CLYBL: variants seen among roughly 807,000 people sequenced by gnomAD.
The protein encoded by CLYBL is citramalyl-CoA lyase, also known as citramalyl-CoA lyase, mitochondrial.
CLYBL carries 31 observed loss-of-function variants against 38.9 expected under a neutral mutation model. The observed-to-expected ratio is 0.80, with a 90% CI of 0.60 to 1.08. The LOEUF is 1.08. Among genes scored for constraint, CLYBL ranks in the 50% least tolerant of loss-of-function variants. CLYBL has a pLI of 0.00. For missense variants in CLYBL, 434 were observed against 411.6 expected, an observed-to-expected ratio of 1.05 and a Z score of -0.47; for synonymous variants, 171 against 158.6, an observed-to-expected ratio of 1.08 and a Z score of -0.59.
intron 1 of CLYBL, among the ~76,000 whole-genome samples, chr13:99,636,974 G>A (rs1219658322): frequency 1.3e-5 from 2 of 152,150 alleles, no homozygotes; most frequent in African/African-American, 2.4e-5. Context: ...CCCCCAGCCA[G>A]GCTCAAGCAA....
intron 1 of CLYBL, among the ~76,000 whole-genome samples, chr13:99,718,503 C>T (rs2048351126): frequency 6.6e-6 from 1 of 152,044 alleles, no homozygotes; most frequent in East Asian, 1.9e-4. Context: ...ATGCCTTCAG[C>T]TTGAAGTAAC....
chr13:99,745,666 A>G (rs2048835735), intron 1 of CLYBL, among the ~76,000 whole-genome samples: 1 of 152,250 alleles, frequency 6.6e-6, no homozygotes, highest in African/African-American at 2.4e-5. Flanking sequence ...TAAGAAGGAA[A>G]AAACAATCTT....
intron 1 of CLYBL, among the ~76,000 whole-genome samples, chr13:99,648,221 G>A (rs2047204558): frequency 6.6e-6 from 1 of 152,146 alleles, no homozygotes; most frequent in South Asian, 2.1e-4. Context: ...ATCCGTAGTT[G>A]TGGGTGGTCT....
At chr13:99,760,757 A>G (rs1477347831) in intron 1 of CLYBL, among the ~76,000 whole-genome samples, 1 of 151,692 alleles carries the variant, frequency 6.6e-6, no homozygotes, top group Admixed American at 6.6e-5. Context: ...AGAGATATAC[A>G]TAGTTTCAGG....
chr13:99,791,375 C>T lies in CLYBL; in HGVS notation c.249+18365C>T, dbSNP rs113896803. On this transcript the variant is annotated intron_variant, in intron 2 of 8. Coordinates refer to ENST00000339105, the MANE Select transcript of CLYBL (RefSeq NM_206808.5). ...GTGTCTTTTTTAAAAAAAAAACAAA[C>T]AAAAAACAGCGGTGTCATTTTTAAA... Among the ~76,000 whole-genome samples, 10 of 151,446 alleles carry T rather than the reference C, an allele frequency of 6.6e-5. No individual in the cohort carries two copies. In the East Asian group the frequency reaches 1.9e-3, roughly 29 times the overall value.
chr13:99,845,901 G>A (rs887430560), intron 2 of CLYBL, among the ~76,000 whole-genome samples: 8 of 150,942 alleles, frequency 5.3e-5, no homozygotes, highest in Non-Finnish European at 1.2e-4. Context: ...GTTGATTTTT[G>A]AAGAAAATAA....
chr13:99,791,783 A>G (rs2049922211), intron 2 of CLYBL, among the ~76,000 whole-genome samples: 1 of 152,208 alleles, frequency 6.6e-6, no homozygotes, highest in Non-Finnish European at 1.5e-5. Flanking sequence ...AGTGTCTGAG[A>G]GCATCAGTTC....
intron 1 of CLYBL, among the ~76,000 whole-genome samples, chr13:99,629,032 C>T (rs145489415): frequency 1.4e-3 from 206 of 152,360 alleles, no homozygotes; most frequent in African/African-American, 4.5e-3. Flanking sequence ...CCTGCTGCTT[C>T]GTTCGCGGAC....
At chr13:99,796,551 T>C (rs1447676197) in intron 2 of CLYBL, among the ~76,000 whole-genome samples, 2 of 152,160 alleles carry the variant, frequency 1.3e-5, no homozygotes, top group African/African-American at 4.8e-5. Context: ...ATTCTCCCCA[T>C]TGACAGATGA....
At chr13:99,905,305 TACA>T (rs1013088713) in exon 9 of CLYBL, among the ~76,000 whole-genome samples, 5 of 152,232 alleles carry the variant, frequency 3.3e-5, no homozygotes, top group Admixed American at 2.0e-4. Context: ...ACTGTAGAGT[TACA>T]ACAAGAGGGT....
intron 1 of CLYBL, among the ~76,000 whole-genome samples, chr13:99,651,937 G>A (rs201411599): frequency 6.6e-6 from 1 of 151,886 alleles, no homozygotes; most frequent in Non-Finnish European, 1.5e-5. Flanking sequence ...ATCTTGGGGG[G>A]AAAAAAAGAT....
downstream of CLYBL, chr13:99,894,005 G>A (rs2052539220): frequency 6.6e-6 from 1 of 152,256 alleles, no homozygotes; most frequent in African/African-American, 2.4e-5. Flanking sequence ...GTAGGATCAT[G>A]AGACTAAGAC....
At chr13:99,784,901 A>G (rs1004811695) in intron 2 of CLYBL, among the ~76,000 whole-genome samples, 21 of 151,066 alleles carry the variant, frequency 1.4e-4, no homozygotes, top group African/African-American at 4.6e-4. Context: ...TTTTTTTTTG[A>G]TTTTCCGAGA....
At chr13:99,796,162 A>C (rs2761156) in intron 2 of CLYBL, among the ~76,000 whole-genome samples, 57,633 of 152,056 alleles carry the variant, frequency 0.38, 11,206 homozygotes, top group Middle Eastern at 0.45. Flanking sequence ...GGTCAGGGCC[A>C]TCATGGCTCC....
intron 1 of CLYBL, among the ~76,000 whole-genome samples, chr13:99,708,706 C>T (rs1277128557): frequency 6.6e-6 from 1 of 152,136 alleles, no homozygotes; most frequent in Non-Finnish European, 1.5e-5. Context: ...AATTGTGTTG[C>T]CTCCCCACAA....
intron 2 of CLYBL, among the ~76,000 whole-genome samples, chr13:99,851,301 A>C (rs1594221255): frequency 7.4e-6 from 1 of 135,484 alleles, no homozygotes; most frequent in South Asian, 2.5e-4. Flanking sequence ...CGGGAGGCGG[A>C]GGTTGCAGTG....
At chr13:99,800,283 CAG>C (rs914239963) in intron 2 of CLYBL, among the ~76,000 whole-genome samples, 1 of 152,200 alleles carries the variant, frequency 6.6e-6, no homozygotes, top group Non-Finnish European at 1.5e-5. Flanking sequence ...CCAGTCCAAT[CAG>C]AGTGAATATC....
At chr13:99,842,012 TTCACCA>T in intron 2 of CLYBL, among the ~76,000 whole-genome samples, 1 of 151,966 alleles carries the variant, frequency 6.6e-6, no homozygotes, top group Admixed American at 6.6e-5. Context: ...GAGACAGGGT[TTCACCA>T]TGTTGACCAG....
Position 99,671,030 on chromosome 13 carries a change from C to A in CLYBL, c.62+64273C>A, listed in dbSNP as rs544878701. On this transcript the variant is annotated intron_variant, in intron 1 of 8. Transcript: ENST00000339105. The stretch of plus-strand genomic sequence containing the variant: ...ATCTTATGCCACTCTCTCCCTTGTC[C>A]GCTGCCCTTATGACACACCGGTCTC... Among the ~76,000 whole-genome samples, 21 of 152,300 alleles carry A rather than the reference C, an allele frequency of 1.4e-4. No individual in the cohort carries two copies. In the South Asian group the frequency reaches 4.4e-3, roughly 32 times the overall value.
Sources: gnomAD v4.1 joint callset for allele counts (sites outside exome capture counted in the v4.1 genomes callset) on GRCh38, gnomAD v4.1.1 for gene constraint, MANE v1.5 for transcripts, NCBI Gene and HGNC (gene_info 2026-07-23, HGNC 2026-07-21) for gene names.